The following TARS1 variants were observed in gnomAD, a reference collection of about 807,000 sequenced individuals.
TARS1 encodes the protein threonyl-tRNA synthetase 1.
Under a neutral mutation model 97.7 loss-of-function variants are expected in TARS1, and 57 were observed. That is an observed-to-expected ratio of 0.58 (90% CI 0.47 to 0.73). The LOEUF (loss-of-function observed/expected upper bound fraction) is 0.73. Among genes scored for constraint, TARS1 ranks in the 30% least tolerant of loss-of-function variants. TARS1 has a pLI of 0.00. For missense variants in TARS1, 806 were observed against 888.3 expected, an observed-to-expected ratio of 0.91 and a Z score of 1.18; for synonymous variants, 312 against 293.7, an observed-to-expected ratio of 1.06 and a Z score of -0.64.
intron 1 of TARS1, among the ~76,000 whole-genome samples, chr5:33,442,293 T>A (rs1272727595): frequency 6.8e-6 from 1 of 147,976 alleles, no homozygotes; most frequent in Non-Finnish European, 1.5e-5. Flanking sequence ...TTTTTTCACA[T>A]AAAATGATAT....
In TARS1 at chr5:33,461,004, A is replaced by T. The variant is rs752627069; in HGVS notation, c.1353A>T (p.Gly451=). ...ACGAGCTGTCTGGAGCACTCACAGG[A>T]CTCACCCGGGTACGAAGATTCCAAC... is the stretch of plus-strand genomic sequence containing the variant. ...HRNELSGALT[G]LTRVRRFQQD... Residue 451 remains glycine (G), a synonymous_variant, in exon 12 of 19, where the codon GGA becomes GGT. Transcript: ENST00000265112. The T allele has an allele frequency of 6.8e-6, 11 of 1,614,000 alleles. No individual in the cohort carries two copies. Among genetic ancestry groups the T allele is most frequent in the Admixed American group, 1.7e-5 (1 of 59,990 alleles).
At chr5:33,449,094 A>G (rs1004198552) in intron 3 of TARS1, among the ~76,000 whole-genome samples, 5 of 152,162 alleles carry the variant, frequency 3.3e-5, no homozygotes, top group African/African-American at 1.2e-4. Flanking sequence ...GGAAAGGTTA[A>G]GAAACTTCAT....
chr5:33,456,878 C>G (rs1742041778), intron 8 of TARS1, among the ~76,000 whole-genome samples: 1 of 152,220 alleles, frequency 6.6e-6, no homozygotes, highest in South Asian at 2.1e-4. Context: ...GGAGATCGTG[C>G]CACTGCACTC....
intron 10 of TARS1, 146 bp from the exon 11 acceptor site, chr5:33,459,549 G>A: frequency 3.2e-6 from 3 of 944,622 alleles, no homozygotes; most frequent in East Asian, 2.6e-5. Flanking sequence ...TTTCTCTCTG[G>A]TATATACTTA....
intron 16 of TARS1, among the ~76,000 whole-genome samples, chr5:33,462,717 A>T (rs1244964300): frequency 6.6e-6 from 1 of 152,206 alleles, no homozygotes; most frequent in Non-Finnish European, 1.5e-5. Flanking sequence ...TTTCCAAGAT[A>T]CATGGCCACA....
chr5:33,456,481 C>T (rs1742023650), intron 8 of TARS1, among the ~76,000 whole-genome samples: 1 of 152,216 alleles, frequency 6.6e-6, no homozygotes, highest in Non-Finnish European at 1.5e-5. Context: ...CATGGGCCAT[C>T]CTGGCTCTAT....
rs116390906 is a variant in TARS1, at chr5:33,454,048, T to C, written c.453+636T>C. 3.1e-3 allele frequency among the ~76,000 whole-genome samples: 473 copies of C among 152,302 alleles called. 1 individual carries two copies. Among genetic ancestry groups the C allele is most frequent in the Admixed American group, 6.3e-3 (96 of 15,302 alleles). On this transcript the variant is annotated intron_variant, in intron 4 of 18. Coordinates refer to ENST00000265112, the MANE Select transcript of TARS1 (RefSeq NM_152295.5). ...AAGCTATGAACACTCTAGCAAGATA[T>C]GTACATTTGACAAATAAATTTGAAC...
At chr5:33,456,250 C>T (rs1440972666) in intron 8 of TARS1, 23 bp downstream of exon 8, 7 of 1,543,266 alleles carry the variant, frequency 4.5e-6, no homozygotes, top group Non-Finnish European at 6.3e-6. Context: ...ACTTTAAAGA[C>T]TGTGAATGTA....
Position 33,459,697 on chromosome 5 carries a change from C to T in TARS1, c.1086C>T (p.Ser362=), listed in dbSNP as rs757476719. ...IYNALIEFIR[S]EYRKRGFQEV... ...TGTTTCTGTTTATTTTCTATCAGAGCGAATATAGGAAAAGAGGATTCCAGG... is the reference window on the plus strand; with the variant it reads ...TGTTTCTGTTTATTTTCTATCAGAGTGAATATAGGAAAAGAGGATTCCAGG... Residue 362 remains serine, a splice_region_variant and synonymous_variant, in exon 11 of 19, where the codon AGC becomes AGT. Transcript: ENST00000265112. 6.2e-6 allele frequency: 10 copies of T among 1,613,674 alleles called. No homozygotes were observed. Among genetic ancestry groups the T allele is most frequent in the African/African-American group, 1.3e-5 (1 of 74,848 alleles).
At chr5:33,453,629 C>T (rs1304673496) in intron 4 of TARS1, among the ~76,000 whole-genome samples, 1 of 151,892 alleles carries the variant, frequency 6.6e-6, no homozygotes, top group East Asian at 1.9e-4. Context: ...CATTACTAGA[C>T]ACTTCAATAG....
At chr5:33,455,246 C>T (rs1038173616) in intron 5 of TARS1, among the ~76,000 whole-genome samples, 180 bp downstream of exon 5, 1 of 151,972 alleles carries the variant, frequency 6.6e-6, no homozygotes, top group African/African-American at 2.4e-5. Flanking sequence ...TTGATGAGAC[C>T]TCTGTTCTAG....
At chr5:33,464,160 T>C (rs570549866) in intron 17 of TARS1, among the ~76,000 whole-genome samples, 2 of 152,284 alleles carry the variant, frequency 1.3e-5, no homozygotes, top group African/African-American at 4.8e-5. Flanking sequence ...CACGCAGTCC[T>C]CCCACCTTGG....
rs765717810 is a variant in TARS1, at chr5:33,467,740, A to G, written c.*32A>G. 4.4e-6 allele frequency: 7 copies of G among 1,595,136 alleles called. No individual in the cohort carries two copies. The highest frequency in any genetic ancestry group is 5.1e-6 in the Non-Finnish European group (6 of 1,172,400). ...AATTACCCAGATTGGCTCCATGGAA[A>G]AGGAGGAACAGCGTTTCCGTAAAAT... is the stretch of plus-strand genomic sequence containing the variant. On this transcript the variant is annotated 3_prime_UTR_variant, in exon 19 of 19. Transcript: ENST00000265112.
intron 9 of TARS1, among the ~76,000 whole-genome samples, 158 bp downstream of exon 9, chr5:33,457,561 C>G (rs941919763): frequency 1.3e-5 from 2 of 152,196 alleles, no homozygotes; most frequent in East Asian, 3.8e-4. Context: ...TAAACACTTA[C>G]TGATTGTCCA....
chr5:33,441,403 G>T, intron 1 of TARS1: 1 of 489,766 alleles, frequency 2.0e-6, no homozygotes, highest in South Asian at 2.5e-5. Context: ...TGAGCGACTT[G>T]TTCAGAGCCT....
intron 1 of TARS1, among the ~76,000 whole-genome samples, chr5:33,443,630 C>A (rs1741260155): frequency 1.3e-5 from 2 of 151,746 alleles, no homozygotes. Context: ...GTAGCTGGGA[C>A]TACAGGCACC....
chr5:33,465,418 A>G (rs997825498), intron 17 of TARS1, among the ~76,000 whole-genome samples: 1 of 152,232 alleles, frequency 6.6e-6, no homozygotes, highest in African/African-American at 2.4e-5. Context: ...TAATAACTAT[A>G]GAGCAGACAT....
chr5:33,449,264 G>C (rs1424934186), intron 3 of TARS1, among the ~76,000 whole-genome samples: 1 of 150,898 alleles, frequency 6.6e-6, no homozygotes, highest in African/African-American at 2.4e-5. Flanking sequence ...ATATGATTGG[G>C]ATCAATAATT....
chr5:33,442,903 A>T (rs1741185296), intron 1 of TARS1, among the ~76,000 whole-genome samples: 1 of 152,154 alleles, frequency 6.6e-6, no homozygotes, highest in Non-Finnish European at 1.5e-5. Flanking sequence ...GCTCAAACCC[A>T]GTATCCCCGT....
Sources: gnomAD v4.1 joint callset for allele counts (sites outside exome capture counted in the v4.1 genomes callset) on GRCh38, gnomAD v4.1.1 for gene constraint, MANE v1.5 for transcripts, NCBI Gene and HGNC (gene_info 2026-07-23, HGNC 2026-07-21) for gene names.